Variants in TET3 observed in about 807,000 individuals in gnomAD.
TET3 encodes methylcytosine dioxygenase TET3.
TET3 carries 19 observed loss-of-function variants against 141.4 expected under a neutral mutation model. The observed-to-expected ratio is 0.13, with a 90% CI of 0.09 to 0.20. The LOEUF is 0.20. Ranked by LOEUF, TET3 falls within the 10% of genes least tolerant of loss-of-function variation. The pLI, the probability that TET3 is intolerant of heterozygous loss-of-function variation, is 1.00. For missense variants in TET3, 1,874 were observed against 2,356.9 expected, an observed-to-expected ratio of 0.80 and a Z score of 4.24; for synonymous variants, 1,043 against 980.9, an observed-to-expected ratio of 1.06 and a Z score of -1.18.
At chr2:74,003,299 G>A (rs1684962515) in intron 3 of TET3, 133 bp downstream of exon 3, 4 of 1,203,020 alleles carry the variant, frequency 3.3e-6, no homozygotes, top group Non-Finnish European at 4.6e-6. Flanking sequence ...CAGCAGCTGA[G>A]GGGGAGGGGC....
rs1558793508 is a variant in TET3, at chr2:74,099,390, G to T, written c.3382G>T (p.Glu1128Ter). 6.2e-7 allele frequency: 1 copy of T among 1,614,036 alleles called. No individual in the cohort carries two copies. The highest frequency in any genetic ancestry group is 2.2e-5 in the East Asian group (1 of 44,882). ...MANTDEFGSE[E>*]NQNAKVGSGA... ...CAACACGGATGAGTTTGGTAGCGAG[G>T]AGAACCAGAATGCAAAGGTGGGCAG... The change falls in exon 11 of 12, where the codon GAG (glutamate) becomes TAG (stop). Residue 1128 changes from glutamate (E) to a stop codon, truncating the protein, a stop_gained. Transcript: ENST00000409262. LOFTEE classifies it high-confidence loss of function.
the TET3 span, among the ~76,000 whole-genome samples, chr2:74,118,454 T>G: frequency 6.4e-3 from 980 of 152,376 alleles, 9 homozygotes; most frequent in African/African-American, 0.022. Flanking sequence ...AAATGTATTT[T>G]CATTACGATT....
At chr2:74,025,566 C>T (rs1218836540) in intron 3 of TET3, among the ~76,000 whole-genome samples, 2 of 152,028 alleles carry the variant, frequency 1.3e-5, no homozygotes, top group Admixed American at 1.3e-4. Context: ...CCGCACCCGG[C>T]CTGAATGTAG....
intron 4 of TET3, among the ~76,000 whole-genome samples, chr2:74,051,704 T>C (rs893228564): frequency 6.6e-6 from 1 of 152,216 alleles, no homozygotes; most frequent in African/African-American, 2.4e-5. Flanking sequence ...TTAATCCTCA[T>C]AGCAGCTCTA....
In TET3 at chr2:74,101,007, G is replaced by C; in HGVS notation, c.4219G>C (p.Ala1407Pro). 1 of 1,613,046 alleles carries C rather than the reference G, an allele frequency of 6.2e-7. No individual in the cohort carries two copies. The highest frequency in any genetic ancestry group is 8.5e-7 in the Non-Finnish European group (1 of 1,179,552). ...AGAGCCAGTAGACCCGCTGACCCAG[G>C]CTGAGCCTGTGCCCAGAGACGCTGG... ...KQEPVDPLTQ[A>P]EPVPRDAGKM... The change falls in exon 12 of 12, where the codon GCT (alanine) becomes CCT (proline). Residue 1407 changes from alanine (A) to proline (P), a missense_variant. By Grantham distance (27) the Ala-to-Pro change is conservative. Around this residue, in one of 10 missense-constraint regions of TET3, gnomAD observed 602 missense variants for 590.2 expected, o/e 1.02. Coordinates refer to ENST00000409262, the MANE Select transcript of TET3 (RefSeq NM_001287491.2). The surrounding 1 kb of genome is among the most constrained non-coding windows in gnomAD (Gnocchi z 8.5).
At chr2:74,119,692 T>TA in the TET3 span, among the ~76,000 whole-genome samples, 2 of 152,256 alleles carry the variant, frequency 1.3e-5, no homozygotes, top group African/African-American at 4.8e-5. Flanking sequence ...GTCTTTCACC[T>TA]AATAGTTTCA....
At position 74,099,555 on chromosome 2, in the gene TET3, A is replaced by T. The variant is rs1400887395; in HGVS notation, c.3547A>T (p.Thr1183Ser). Residue 1183 changes from threonine to serine, a missense_variant, in exon 11 of 12, where the codon ACT becomes TCT. Physicochemically the swap from Thr to Ser is moderately conservative, Grantham distance 58. Coordinates refer to ENST00000409262, the MANE Select transcript of TET3 (RefSeq NM_001287491.2). ...KKKIQKEKLSTPEKIKQEALE... is the reference protein window; with the variant it reads ...KKKIQKEKLSSPEKIKQEALE... The stretch of plus-strand genomic sequence containing the variant: ...GAAGATTCAGAAGGAGAAGCTGAGC[A>T]CTCCGGAGAAGATCAAGCAGGAGGC... The T allele has an allele frequency of 1.2e-6, 2 of 1,607,944 alleles. No individual in the cohort carries two copies.
chr2:74,061,546 G>T (rs1301740176), intron 4 of TET3, among the ~76,000 whole-genome samples: 1 of 144,036 alleles, frequency 6.9e-6, no homozygotes. Flanking sequence ...GGGCGGCCGG[G>T]CAGAGGCGCC....
At chr2:74,023,223 T>A (rs1055792160) in intron 3 of TET3, among the ~76,000 whole-genome samples, 2 of 152,094 alleles carry the variant, frequency 1.3e-5, no homozygotes, top group African/African-American at 4.8e-5. Context: ...TTTTCAGATA[T>A]GTAGTTTGAT....
chr2:74,047,494 C>A lies in TET3; in HGVS notation c.1577C>A (p.Thr526Asn). 5.0e-6 allele frequency: 8 copies of A among 1,612,898 alleles called. No homozygotes were observed. The highest frequency in any genetic ancestry group is 6.8e-6 in the Non-Finnish European group (8 of 1,179,866). The change falls in exon 4 of 12, where the codon ACC becomes AAC. Residue 526 changes from threonine (T) to asparagine (N), a missense_variant. Coordinates refer to ENST00000409262, the MANE Select transcript of TET3 (RefSeq NM_001287491.2). ...SEPDTHQKAQ[T>N]ALQQHLHHKR... ...CCCGACACCCACCAGAAGGCCCAGA[C>A]CGCCCTGCAGCAGCACCTCCACCAC...
intron 4 of TET3, 80 bp downstream of exon 4, chr2:74,048,491 A>G (rs922099619): frequency 3.5e-6 from 5 of 1,428,296 alleles, no homozygotes; most frequent in Non-Finnish European, 2.8e-6. Flanking sequence ...CCTGCCTTTC[A>G]TTTGGCAAAC....
At chr2:74,071,015 A>G (rs1689173293) in intron 4 of TET3, among the ~76,000 whole-genome samples, 1 of 152,094 alleles carries the variant, frequency 6.6e-6, no homozygotes, top group Non-Finnish European at 1.5e-5. Context: ...TAAATAATGA[A>G]CATTGATTTC....
Position 74,041,432 on chromosome 2 carries a change from G to T in TET3, c.361-4846G>T, listed in dbSNP as rs148807028. 1.6e-3 allele frequency among the ~76,000 whole-genome samples: 248 copies of T among 152,288 alleles called. 1 individual carries two copies. Among genetic ancestry groups the T allele is most frequent in the African/African-American group, 5.7e-3 (235 of 41,576 alleles). On this transcript the variant is annotated intron_variant, in intron 3 of 11. Coordinates refer to ENST00000409262, the MANE Select transcript of TET3 (RefSeq NM_001287491.2). ...ACAGGGAAGCCTCCATTCAGTGGGGGACTGTCTGGGTCACAAGCAGGGCTG... is the reference window on the plus strand; with the variant it reads ...ACAGGGAAGCCTCCATTCAGTGGGGTACTGTCTGGGTCACAAGCAGGGCTG...
intron 2 of TET3, among the ~76,000 whole-genome samples, chr2:73,987,884 G>A (rs1684126229): frequency 6.6e-6 from 1 of 152,250 alleles, no homozygotes; most frequent in Non-Finnish European, 1.5e-5. Flanking sequence ...TGACCGCTGA[G>A]TGCAGAGCCT....
chr2:74,044,843 C>A (rs536163924), intron 3 of TET3, among the ~76,000 whole-genome samples: 2 of 152,162 alleles, frequency 1.3e-5, no homozygotes, highest in Admixed American at 6.5e-5. Context: ...CTTACATAAC[C>A]CATTGTCTAA....
At chr2:74,017,358 T>C (rs1260516930) in intron 3 of TET3, among the ~76,000 whole-genome samples, 2 of 152,214 alleles carry the variant, frequency 1.3e-5, no homozygotes, top group Admixed American at 6.5e-5. Context: ...CTGTGCTGTT[T>C]AATGTGTTAA....
the TET3 span, chr2:74,134,823 C>G: frequency 2.2e-6 from 1 of 451,810 alleles, no homozygotes; most frequent in South Asian, 1.6e-5. Context: ...AGTACTCAAT[C>G]AGCTGCCACT....
chr2:74,101,653 T>A lies in TET3; in HGVS notation c.4865T>A (p.Val1622Glu), dbSNP rs1405912654. 1.2e-6 allele frequency: 2 copies of A among 1,613,158 alleles called. No individual in the cohort carries two copies. The highest frequency in any genetic ancestry group is 2.2e-5 in the South Asian group (2 of 91,032). The part of the protein sequence containing the change: ...PAEEPPSKGA[V>E]KEEKGGGGAE... ...GAGGAGCCCCCCAGCAAGGGAGCGG[T>A]GAAGGAGGAGAAGGGCGGTGGTGGT... Residue 1622 changes from valine (V) to glutamate (E), a missense_variant, in exon 12 of 12, where the codon GTG becomes GAG. This residue lies in a region of TET3 where 602 missense variants were observed against 590.2 expected (regional missense o/e 1.02). Transcript: ENST00000409262. The surrounding 1 kb of genome is among the most constrained non-coding windows in gnomAD (Gnocchi z 8.5).
At chr2:74,076,088 A>G (rs1689487877) in intron 5 of TET3, among the ~76,000 whole-genome samples, 1 of 152,094 alleles carries the variant, frequency 6.6e-6, no homozygotes, top group Non-Finnish European at 1.5e-5. Context: ...ACAACTTTTC[A>G]TTATAGAAAA....
Sources: allele counts gnomAD v4.1 joint callset (sites outside exome capture counted in the v4.1 genomes callset), GRCh38; gene constraint gnomAD v4.1.1; regional missense constraint gnomAD v4.1.1; non-coding constraint Gnocchi (gnomAD v3.1); transcripts MANE v1.5; gene names NCBI Gene and HGNC (gene_info 2026-07-23, HGNC 2026-07-21).